CNTN5: variants seen among roughly 807,000 people sequenced by gnomAD.
CNTN5 encodes contactin 5.
CNTN5 carries 77 observed loss-of-function variants against 129.1 expected under a neutral mutation model. The ratio of observed to expected loss-of-function variants is 0.60; its 90% confidence interval spans 0.50 to 0.72. The LOEUF is 0.72. Among genes scored for constraint, CNTN5 ranks in the 30% least tolerant of loss-of-function variants. The probability of loss-of-function intolerance (pLI) is 0.00; values close to 1 mark genes in which losing one functional copy is unlikely to be tolerated. For synonymous variants in CNTN5, 509 were observed against 465.6 expected, an observed-to-expected ratio of 1.09 and a Z score of -1.20; for missense variants, 1,478 against 1,328.8, an observed-to-expected ratio of 1.11 and a Z score of -1.75.
chr11:99,607,348 A>G (rs1319072931), intron 3 of CNTN5, among the ~76,000 whole-genome samples: 1 of 146,596 alleles, frequency 6.8e-6, no homozygotes, highest in African/African-American at 2.5e-5. Context: ...ACATGAAGAA[A>G]TGCTCACCAT....
At chr11:99,741,419 G>A (rs1943885416) in intron 3 of CNTN5, among the ~76,000 whole-genome samples, 2 of 151,944 alleles carry the variant, frequency 1.3e-5, no homozygotes, top group African/African-American at 4.8e-5. Flanking sequence ...TGTGCCTTAA[G>A]GTAAGATAGG....
At chr11:99,458,042 C>A (rs1038645846) in intron 2 of CNTN5, among the ~76,000 whole-genome samples, 1 of 151,796 alleles carries the variant, frequency 6.6e-6, no homozygotes, top group Non-Finnish European at 1.5e-5. Flanking sequence ...TATGAGTACA[C>A]AACTGATCAA....
intron 1 of CNTN5, among the ~76,000 whole-genome samples, chr11:99,030,780 C>CTTTTTTTTTTT (rs71305325): frequency 8.3e-6 from 1 of 120,224 alleles, no homozygotes; most frequent in Admixed American, 9.9e-5. Flanking sequence ...TGCTAACTCT[C>CTTTTTTTTTTT]TTTTTTTTTT....
At chr11:99,783,715 C>T (rs552964495) in intron 3 of CNTN5, among the ~76,000 whole-genome samples, 86 of 146,930 alleles carry the variant, frequency 5.9e-4, no homozygotes, top group African/African-American at 2.0e-3. Flanking sequence ...TAAACTACCG[C>T]AAGAACAAAA....
intron 2 of CNTN5, among the ~76,000 whole-genome samples, chr11:99,509,476 G>A (rs187844094): frequency 4.2e-4 from 64 of 152,252 alleles, no homozygotes; most frequent in Admixed American, 7.2e-4. Flanking sequence ...GAAGAGATAA[G>A]GATATTGGTT....
At chr11:99,631,906 T>G (rs1348226104) in intron 3 of CNTN5, among the ~76,000 whole-genome samples, 1 of 152,200 alleles carries the variant, frequency 6.6e-6, no homozygotes, top group African/African-American at 2.4e-5. Context: ...CAGACCACAT[T>G]CGTGTAACTT....
At chr11:99,858,094 C>T (rs11221661) in intron 6 of CNTN5, among the ~76,000 whole-genome samples, 15,453 of 151,886 alleles carry the variant, frequency 0.1, 1,733 homozygotes, top group East Asian at 0.53. Context: ...TCTTGTTTTC[C>T]AGGCAATTAT....
chr11:99,819,493 A>G (rs1235771200), intron 3 of CNTN5, 51 bp from the exon 4 acceptor site: 6 of 1,489,184 alleles, frequency 4.0e-6, no homozygotes, highest in Middle Eastern at 3.8e-4. Flanking sequence ...TAAGAAAAAA[A>G]TAAACTAGTT....
At chr11:100,185,023 CCATGTGAAGAAGGA>C (rs1355329195) in intron 13 of CNTN5, among the ~76,000 whole-genome samples, 33 of 152,028 alleles carry the variant, frequency 2.2e-4, no homozygotes, top group Admixed American at 1.8e-3. Flanking sequence ...TCTCCTGCCG[CCATGTGAAGAAGGA>C]CATGTTTGCT....
chr11:99,443,263 A>T (rs899560059), intron 2 of CNTN5, among the ~76,000 whole-genome samples: 21 of 152,216 alleles, frequency 1.4e-4, no homozygotes, highest in Non-Finnish European at 2.9e-4. Flanking sequence ...AAACAGGTGG[A>T]TCTGAATTAC....
At chr11:99,752,406 A>C (rs2096412898) in intron 3 of CNTN5, among the ~76,000 whole-genome samples, 1 of 152,248 alleles carries the variant, frequency 6.6e-6, no homozygotes, top group African/African-American at 2.4e-5. Context: ...TGAATAACTG[A>C]ATAAATGAAA....
chr11:99,124,359 G>A (rs1225275413), intron 1 of CNTN5, among the ~76,000 whole-genome samples: 2 of 152,072 alleles, frequency 1.3e-5, no homozygotes, highest in Admixed American at 6.6e-5. Context: ...GAGTGGAACT[G>A]ACTTTTGCAC....
At chr11:99,101,529 G>T (rs1183310843) in intron 1 of CNTN5, among the ~76,000 whole-genome samples, 1 of 152,142 alleles carries the variant, frequency 6.6e-6, no homozygotes, top group Non-Finnish European at 1.5e-5. Flanking sequence ...ACAGACATTG[G>T]GTAAATACAG....
intron 2 of CNTN5, among the ~76,000 whole-genome samples, chr11:99,477,662 A>T (rs1236901963): frequency 6.6e-6 from 1 of 151,970 alleles, no homozygotes. Context: ...TTCAAGGAAG[A>T]TCAGGGGCCG....
chr11:99,834,265 T>C (rs1291022402), intron 4 of CNTN5, among the ~76,000 whole-genome samples: 1 of 152,198 alleles, frequency 6.6e-6, no homozygotes. Context: ...CGTTTGTAGA[T>C]GCTGCATTCA....
chr11:99,893,577 G>T (rs551236594), intron 6 of CNTN5, among the ~76,000 whole-genome samples: 1 of 152,294 alleles, frequency 6.6e-6, no homozygotes, highest in African/African-American at 2.4e-5. Context: ...CTCACAAGCT[G>T]ATGCCTCTGT....
chr11:99,440,649 T>G (rs1943789522), intron 2 of CNTN5, among the ~76,000 whole-genome samples: 1 of 152,058 alleles, frequency 6.6e-6, no homozygotes, highest in Admixed American at 6.6e-5. Context: ...CATTTCTTCT[T>G]CATTCTTTTC....
chr11:100,139,701 T>G (rs1011356093), intron 13 of CNTN5, among the ~76,000 whole-genome samples: 1 of 151,938 alleles, frequency 6.6e-6, no homozygotes, highest in Non-Finnish European at 1.5e-5. Context: ...CTATCTCTAC[T>G]GAAAATACAA....
intron 1 of CNTN5, among the ~76,000 whole-genome samples, chr11:99,162,092 C>T (rs4608048): frequency 7.2e-5 from 11 of 151,976 alleles, no homozygotes; most frequent in South Asian, 2.1e-4. Flanking sequence ...ATAGAACCTC[C>T]TTTTTTTTTC....
Sources: gnomAD v4.1 joint callset for allele counts (sites outside exome capture counted in the v4.1 genomes callset) on GRCh38, gnomAD v4.1.1 for gene constraint, MANE v1.5 for transcripts, NCBI Gene and HGNC (gene_info 2026-07-23, HGNC 2026-07-21) for gene names.